The following AZIN2 variants were observed in gnomAD, a reference collection of about 807,000 sequenced individuals.
The protein encoded by AZIN2 is antizyme inhibitor 2.
In AZIN2, 28 loss-of-function variants were observed where a neutral mutation model predicts 47.8. The ratio of observed to expected loss-of-function variants is 0.59; its 90% CI spans 0.43 to 0.80. The LOEUF is 0.80. AZIN2 is among the 30% of genes least tolerant of loss of function. The probability of loss-of-function intolerance (pLI) is 0.00; values close to 1 mark genes in which losing one functional copy is unlikely to be tolerated. For missense variants in AZIN2, 535 were observed against 582.5 expected, an observed-to-expected ratio of 0.92 and a Z score of 0.84; for synonymous variants, 221 against 239.4, an observed-to-expected ratio of 0.92 and a Z score of 0.71.
chr1:33,098,007 C>A, intron 9 of AZIN2, 60 bp from the exon 10 acceptor site: 1 of 1,273,490 alleles, frequency 7.9e-7, no homozygotes, highest in Non-Finnish European at 1.1e-6. Flanking sequence ...GTTGTGTCAG[C>A]CCCACTACCA....
At chr1:33,104,521 C>T (rs1158924237) in intron 10 of AZIN2, among the ~76,000 whole-genome samples, 1 of 150,444 alleles carries the variant, frequency 6.6e-6, no homozygotes, top group Non-Finnish European at 1.5e-5. Flanking sequence ...TTGTGCTCTG[C>T]TGTTATAGAT....
chr1:33,135,497 C>T, the AZIN2 span, among the ~76,000 whole-genome samples: 1 of 152,206 alleles, frequency 6.6e-6, no homozygotes, highest in Non-Finnish European at 1.5e-5. Flanking sequence ...TATTTCGACT[C>T]ATTTCATTCT....
At chr1:33,128,116 C>A (rs1261567681), downstream of AZIN2, among the ~76,000 whole-genome samples, 1 of 151,034 alleles carries the variant, frequency 6.6e-6, no homozygotes, top group Non-Finnish European at 1.5e-5. Flanking sequence ...GTAATCCCAG[C>A]ACTTTGGGAG....
chr1:33,117,476 A>G (rs186612924), intron 10 of AZIN2, among the ~76,000 whole-genome samples: 43 of 152,358 alleles, frequency 2.8e-4, no homozygotes, highest in African/African-American at 9.6e-4. Flanking sequence ...GGTGGTAACA[A>G]CAGCAATCAC....
intron 10 of AZIN2, among the ~76,000 whole-genome samples, chr1:33,106,952 G>A (rs1275593464): frequency 6.6e-6 from 1 of 152,210 alleles, no homozygotes; most frequent in African/African-American, 2.4e-5. Flanking sequence ...AAAGGGAGAT[G>A]TAAAATTGTC....
chr1:33,092,889 C>T (rs1204857956), intron 6 of AZIN2, among the ~76,000 whole-genome samples: 1 of 152,166 alleles, frequency 6.6e-6, no homozygotes, highest in African/African-American at 2.4e-5. Context: ...AGGGGGTGGC[C>T]AGGTGATGGG....
At chr1:33,115,123 C>T (rs1196285738) in intron 10 of AZIN2, among the ~76,000 whole-genome samples, 1 of 152,126 alleles carries the variant, frequency 6.6e-6, no homozygotes, top group South Asian at 2.1e-4. Context: ...CTACTAACTC[C>T]CCCTAGAGCC....
At chr1:33,134,390 C>T in the AZIN2 span, among the ~76,000 whole-genome samples, 10 of 152,146 alleles carry the variant, frequency 6.6e-5, no homozygotes, top group Non-Finnish European at 1.5e-4. Context: ...GACTCTTTTC[C>T]CATGTTAGCT....
chr1:33,091,572 T>C (rs1293263248), intron 5 of AZIN2, among the ~76,000 whole-genome samples: 2 of 152,058 alleles, frequency 1.3e-5, no homozygotes, highest in South Asian at 2.1e-4. Context: ...GGAACCTCCA[T>C]ACTGTTTTCC....
intron 5 of AZIN2, among the ~76,000 whole-genome samples, chr1:33,090,595 A>G (rs1038706906): frequency 6.6e-6 from 1 of 152,248 alleles, no homozygotes; most frequent in African/African-American, 2.4e-5. Context: ...ACAAATAAAA[A>G]TTGTATATAT....
chr1:33,131,489 T>A, the AZIN2 span, among the ~76,000 whole-genome samples: 1 of 152,216 alleles, frequency 6.6e-6, no homozygotes, highest in Non-Finnish European at 1.5e-5. Context: ...TTGAATGTGT[T>A]ATAAGTGTAA....
In AZIN2 at chr1:33,121,619, T is replaced by G. The variant is rs1205408362; in HGVS notation, c.*1437T>G. ...AAATAAAGTGGAGAAGTTAGTGGTT[T>G]CTGGTGTATTCAGAGTTGTGTAACC... On this transcript the variant is annotated 3_prime_UTR_variant, in exon 12 of 12. Transcript: ENST00000294517. Among the ~76,000 whole-genome samples, 1 of 152,200 alleles carries G rather than the reference T, an allele frequency of 6.6e-6. No homozygotes were observed. The highest frequency in any genetic ancestry group is 1.5e-5 in the Non-Finnish European group (1 of 68,026).
At chr1:33,094,432 C>T (rs550543785) in intron 7 of AZIN2, 116 bp from the exon 8 acceptor site, 8 of 1,109,554 alleles carry the variant, frequency 7.2e-6, no homozygotes, top group African/African-American at 4.7e-5. Flanking sequence ...TTGGTCACTG[C>T]ATCTGTAAAA....
chr1:33,149,677 A>G, the AZIN2 span, among the ~76,000 whole-genome samples: 1 of 151,858 alleles, frequency 6.6e-6, no homozygotes, highest in Non-Finnish European at 1.5e-5. Flanking sequence ...CTGGTCTCGA[A>G]CTCCTGGCCT....
At chr1:33,133,709 G>A in the AZIN2 span, among the ~76,000 whole-genome samples, 1 of 152,318 alleles carries the variant, frequency 6.6e-6, no homozygotes, top group East Asian at 1.9e-4. Flanking sequence ...GCTCCCCCAG[G>A]GCAGGCTGTG....
the AZIN2 span, among the ~76,000 whole-genome samples, chr1:33,130,751 A>G: frequency 1.3e-5 from 2 of 152,258 alleles, no homozygotes; most frequent in African/African-American, 4.8e-5. Flanking sequence ...GATAACTAAT[A>G]CAGAGGGATT....
downstream of AZIN2, among the ~76,000 whole-genome samples, chr1:33,126,039 C>T (rs1014528111): frequency 1.8e-4 from 28 of 152,152 alleles, 1 homozygote; most frequent in Admixed American, 1.6e-3. Flanking sequence ...CATTCCTGCC[C>T]CAGCATTCTA....
chr1:33,084,766 T>C (rs1451283415), intron 5 of AZIN2, among the ~76,000 whole-genome samples: 7 of 152,148 alleles, frequency 4.6e-5, no homozygotes, highest in South Asian at 4.2e-4. Flanking sequence ...CCTGGCTAAT[T>C]TTTTGGTATT....
At chr1:33,135,044 T>G in the AZIN2 span, among the ~76,000 whole-genome samples, 1 of 152,204 alleles carries the variant, frequency 6.6e-6, no homozygotes, top group African/African-American at 2.4e-5. Context: ...CCCAGCACTT[T>G]GGGAGCCGAT....
Sources: allele counts gnomAD v4.1 joint callset (sites outside exome capture counted in the v4.1 genomes callset), GRCh38; gene constraint gnomAD v4.1.1; transcripts MANE v1.5; gene names NCBI Gene and HGNC (gene_info 2026-07-23, HGNC 2026-07-21).